Variants in NCALD observed in about 807,000 individuals in gnomAD.
NCALD encodes the protein neurocalcin delta.
A neutral mutation model predicts 18.6 loss-of-function variants in NCALD; 10 were observed. The observed-to-expected ratio is 0.54, with a 90% confidence interval of 0.33 to 0.91. The LOEUF is 0.91. NCALD is among the 40% of genes least tolerant of loss of function. The pLI is 0.03. For synonymous variants in NCALD, 88 were observed against 87.4 expected (o/e 1.01, Z -0.04); for missense variants, 184 against 247.6 (o/e 0.74, Z 1.72).
At chr8:101,823,569 C>T (rs768084344) in intron 4 of NCALD, among the ~76,000 whole-genome samples, 19 of 152,080 alleles carry the variant, frequency 1.2e-4, no homozygotes, top group Admixed American at 6.5e-5. Flanking sequence ...ATGTAAAAAC[C>T]ACCAGTCTCC....
At chr8:101,832,070 A>C (rs1814212507) in intron 4 of NCALD, among the ~76,000 whole-genome samples, 1 of 152,194 alleles carries the variant, frequency 6.6e-6, no homozygotes, top group South Asian at 2.1e-4. Flanking sequence ...TTGGAGAGAA[A>C]AAGAGAAGAC....
At position 101,749,394 on chromosome 8, in the gene NCALD, G is replaced by A. The variant is rs921177921; in HGVS notation, c.-19-29746C>T. 2.6e-5 allele frequency among the ~76,000 whole-genome samples: 4 copies of A among 152,090 alleles called. No homozygotes were observed. The East Asian group carries it at 5.8e-4, about 22-fold the overall frequency. On this transcript the variant is annotated intron_variant, in intron 1 of 3. Transcript: ENST00000220931. ...ACTTTTTGAATAGGATTTAAAAAAG[G>A]GCTGACTGCGGCAAGAGTTCTGGGG...
At chr8:101,872,464 G>T (rs1439581684) in intron 4 of NCALD, 1 of 916,970 alleles carries the variant, frequency 1.1e-6, no homozygotes, top group Non-Finnish European at 1.8e-6. Flanking sequence ...CTTCTCTTCT[G>T]ATTCTTTTAT....
chr8:101,901,406 T>G (rs1448771830), intron 3 of NCALD, among the ~76,000 whole-genome samples: 1 of 152,120 alleles, frequency 6.6e-6, no homozygotes, highest in East Asian at 1.9e-4. Context: ...TTTTGTTGTT[T>G]CCTGTTTGTT....
chr8:101,933,744 C>T (rs980483231), intron 2 of NCALD, among the ~76,000 whole-genome samples: 1 of 152,070 alleles, frequency 6.6e-6, no homozygotes, highest in African/African-American at 2.4e-5. Context: ...GGGTTGGAGG[C>T]CTCAAGGCAG....
At chr8:101,798,297 T>C (rs1812715730) in intron 4 of NCALD, among the ~76,000 whole-genome samples, 1 of 152,178 alleles carries the variant, frequency 6.6e-6, no homozygotes, top group South Asian at 2.1e-4. Flanking sequence ...CTGTAACTAA[T>C]AGATGAGTTT....
chr8:101,840,786 T>C (rs1814612296), intron 4 of NCALD, among the ~76,000 whole-genome samples: 1 of 152,212 alleles, frequency 6.6e-6, no homozygotes, highest in South Asian at 2.1e-4. Context: ...GAGGTATTAT[T>C]TGAAGCGCAA....
intron 1 of NCALD, among the ~76,000 whole-genome samples, chr8:102,056,160 CAT>C (rs931641005): frequency 1.3e-5 from 2 of 152,122 alleles, no homozygotes; most frequent in African/African-American, 4.8e-5. Context: ...TATCATAAGA[CAT>C]ATGGAATGAT....
At chr8:101,737,014 G>A (rs1313667079) in intron 1 of NCALD, among the ~76,000 whole-genome samples, 1 of 152,182 alleles carries the variant, frequency 6.6e-6, no homozygotes. Flanking sequence ...TCACAAGAAT[G>A]TAAGAGAGGT....
rs111491792 is a variant in NCALD, at chr8:102,073,173, C to T, written c.-210+51064G>A. Among the ~76,000 whole-genome samples the T allele has an allele frequency of 1.7e-3, 255 of 152,238 alleles. 1 individual carries two copies. Among genetic ancestry groups the T allele is most frequent in the African/African-American group, 5.2e-3 (217 of 41,532 alleles). On this transcript the variant is annotated intron_variant, in intron 1 of 6. Transcript: ENST00000311028. ...TTTTATAGCTGGGCATGGTGGCACA[C>T]GCCCATAATCCCGGCTACTCAGGAG...
intron 2 of NCALD, among the ~76,000 whole-genome samples, chr8:101,927,306 T>A (rs1818370818): frequency 6.6e-6 from 1 of 152,128 alleles, no homozygotes; most frequent in Admixed American, 6.5e-5. Context: ...AAGTCCCCGA[T>A]CTGGTGGAGC....
intron 1 of NCALD, chr8:101,750,609 C>G (rs891420824): frequency 1.3e-5 from 2 of 152,264 alleles, no homozygotes; most frequent in Non-Finnish European, 2.9e-5. Context: ...TAAACAAAGA[C>G]TCCACTCATT....
intron 1 of NCALD, among the ~76,000 whole-genome samples, chr8:101,757,135 T>C (rs1204551635): frequency 6.6e-6 from 1 of 152,216 alleles, no homozygotes; most frequent in East Asian, 1.9e-4. Flanking sequence ...ACATCGCTGC[T>C]CACTCCTACT....
In NCALD at chr8:101,840,547, C is replaced by T. The variant is rs567769276; in HGVS notation, c.-20+46594G>A. Among the ~76,000 whole-genome samples, 5 of 152,158 alleles carry T rather than the reference C, an allele frequency of 3.3e-5. No homozygotes were observed. In the East Asian group the frequency reaches 9.6e-4, roughly 29 times the overall value. ...ATATCAAACATGATGAAACTGTTAG[C>T]CAATTTGGCCAAAGTCTTCTATGTC... On this transcript the variant is annotated intron_variant, in intron 4 of 6. Transcript: ENST00000311028.
upstream of NCALD, among the ~76,000 whole-genome samples, chr8:101,793,358 A>G (rs927977973): frequency 6.6e-6 from 1 of 152,096 alleles, no homozygotes; most frequent in Non-Finnish European, 1.5e-5. Flanking sequence ...TCAAAAAAAA[A>G]AAAAAAAAAT....
intron 1 of NCALD, among the ~76,000 whole-genome samples, chr8:102,037,835 G>A (rs1345860474): frequency 1.3e-5 from 2 of 152,140 alleles, no homozygotes; most frequent in African/African-American, 4.8e-5. Context: ...ACCATGAGAT[G>A]TAGGGTTTGC....
chr8:101,792,701 G>T (rs540457145), upstream of NCALD, among the ~76,000 whole-genome samples: 3 of 152,260 alleles, frequency 2.0e-5, no homozygotes, highest in East Asian at 5.8e-4. Flanking sequence ...AAGAGGCAGA[G>T]AAACATACCC....
rs549466539 is a variant in NCALD at position 101,935,934 on chromosome 8, G to A, written c.-156-20076C>T. On this transcript the variant is annotated intron_variant, in intron 2 of 6. Coordinates refer to the NCALD transcript ENST00000311028. ...TCCTAAGTAAGAGAACAGATGAGAT[G>A]CGGAGCACACGATTAGTGCTGGCTT... 3.9e-5 allele frequency among the ~76,000 whole-genome samples: 6 copies of A among 152,194 alleles called. No individual in the cohort carries two copies. In the South Asian group the frequency reaches 1.0e-3, roughly 26 times the overall value.
chr8:102,058,559 C>T (rs1013522539), intron 1 of NCALD, among the ~76,000 whole-genome samples: 10 of 152,184 alleles, frequency 6.6e-5, no homozygotes, highest in African/African-American at 2.2e-4. Flanking sequence ...CTGAGAGCAT[C>T]GCTGTTCCAT....
Sources: gnomAD v4.1 joint callset for allele counts (sites outside exome capture counted in the v4.1 genomes callset) on GRCh38, gnomAD v4.1.1 for gene constraint, MANE v1.5 for transcripts, NCBI Gene and HGNC (gene_info 2026-07-23, HGNC 2026-07-21) for gene names.